Variants in MTOR observed in about 807,000 individuals in gnomAD.
The protein encoded by MTOR is serine/threonine-protein kinase mTOR.
A neutral mutation model predicts 319.8 loss-of-function variants in MTOR; 70 were observed. That is an observed-to-expected ratio of 0.22 (90% CI 0.18 to 0.27). MTOR has a LOEUF of 0.27. MTOR is among the 10% of genes least tolerant of loss of function. The pLI is 1.00. For missense variants in MTOR, 1,890 were observed against 3,274.4 expected (o/e 0.58, Z 10.32); for synonymous variants, 1,183 against 1,211.4 (o/e 0.98, Z 0.49).
Position 11,107,460 on chromosome 1 carries a change from G to GT in MTOR, c.*24dup. On this transcript the variant is annotated 3_prime_UTR_variant, in exon 58 of 58. Transcript: ENST00000361445. ...AAAGTACAAAAGCCTCAGAAAAAAC[G>GT]TGATGGGCACATCTGGGCCTCCAGT... 6.2e-7 allele frequency: 1 copy of GT among 1,608,202 alleles called. No individual in the cohort carries two copies. The highest frequency in any genetic ancestry group is 1.1e-5 in the South Asian group (1 of 89,486).
intron 49 of MTOR, among the ~76,000 whole-genome samples, chr1:11,120,545 T>C (rs1570924087): frequency 6.8e-6 from 1 of 147,324 alleles, no homozygotes; most frequent in Non-Finnish European, 1.5e-5. Flanking sequence ...AGAGATGGAG[T>C]CTCACTATGT....
At chr1:11,253,041 G>A (rs1300879577) in intron 6 of MTOR, among the ~76,000 whole-genome samples, 1 of 152,108 alleles carries the variant, frequency 6.6e-6, no homozygotes, top group Non-Finnish European at 1.5e-5. Flanking sequence ...CCTGCTCTTG[G>A]GAGACACAGA....
At chr1:11,124,381 C>A in intron 47 of MTOR, 117 bp downstream of exon 47, 2 of 1,352,930 alleles carry the variant, frequency 1.5e-6, no homozygotes, top group Admixed American at 2.3e-5. Context: ...AGTTACCATG[C>A]CTGGCTCCCT....
At position 11,212,222 on chromosome 1, in the gene MTOR, G is replaced by A; in HGVS notation, c.3561+90C>T. 6 of 1,430,380 alleles carry A rather than the reference G, an allele frequency of 4.2e-6. No homozygotes were observed. In the South Asian group the frequency reaches 8.2e-5, roughly 20 times the overall value. The allele number at this position is 1,430,380 out of a possible 1,614,324, so 88.6% of individuals were successfully genotyped here. On this transcript the variant is annotated intron_variant, in intron 23 of 57. Transcript: ENST00000361445. This position sits in a 1 kb window ranked among gnomAD's most constrained non-coding sequence, Gnocchi z 4.1. ...AATTCCACGTTCTCTGATGGTGGCTGGCATCAGACAAAGTCTGAGTGGCTC... is the reference window on the plus strand; with the variant it reads ...AATTCCACGTTCTCTGATGGTGGCTAGCATCAGACAAAGTCTGAGTGGCTC...
intron 19 of MTOR, among the ~76,000 whole-genome samples, chr1:11,217,674 G>A (rs2100811798): frequency 6.6e-6 from 1 of 150,856 alleles, no homozygotes; most frequent in South Asian, 2.1e-4. Context: ...CCCTCCCAAA[G>A]TGCTGCGATT....
Position 11,115,488 on chromosome 1 carries a change from G to A in MTOR, c.7017-20C>T. Reference sequence around the variant, plus strand: ...GGGTGTCTTTGAGAAACAGAAGACAGATCAGGGAGGGATCAACAGAGATAA... The same window carrying A: ...GGGTGTCTTTGAGAAACAGAAGACAAATCAGGGAGGGATCAACAGAGATAA... On this transcript the variant is annotated intron_variant, in intron 50 of 57. Transcript: ENST00000361445. The surrounding 1 kb of genome is among the most constrained non-coding windows in gnomAD (Gnocchi z 4.5). 6.2e-7 allele frequency: 1 copy of A among 1,607,046 alleles called. No homozygotes were observed. The highest frequency in any genetic ancestry group is 2.2e-5 in the East Asian group (1 of 44,844).
rs772176837 is a variant in MTOR at position 11,247,858 on chromosome 1, G to A, written c.1077C>T (p.Ser359=). Residue 359 remains serine, a synonymous_variant, in exon 7 of 58, where the codon AGC becomes AGT. Coordinates refer to ENST00000361445, the MANE Select transcript of MTOR (RefSeq NM_004958.4). ...PSPAKSTLVE[S]RCCRDLMEEK... is the part of the protein sequence containing the mutation. ...CCTCCATCAAGTCTCTGCAACACCG[G>A]CTCTCCACCAGGGTGGACTTAGCTG... is the stretch of plus-strand genomic sequence containing the variant. 8.7e-6 allele frequency: 14 copies of A among 1,613,870 alleles called. No individual in the cohort carries two copies. The highest frequency in any genetic ancestry group is 1.6e-4 in the Middle Eastern group (1 of 6,080).
rs1459130069 is a variant in MTOR, at chr1:11,107,119, G to A, written c.*366C>T. ...GAGTTTGCTGTACCCATGTTGAGAGGAGCAACTAGGTCATTCTTCCATCAG... is the reference window on the plus strand; with the variant it reads ...GAGTTTGCTGTACCCATGTTGAGAGAAGCAACTAGGTCATTCTTCCATCAG... On this transcript the variant is annotated 3_prime_UTR_variant, in exon 58 of 58. Transcript: ENST00000361445. 30 of 1,376,898 alleles carry A rather than the reference G, an allele frequency of 2.2e-5. No homozygotes were observed. The highest frequency in any genetic ancestry group is 1.9e-4 in the Middle Eastern group (1 of 5,228). 85.3% of individuals were successfully genotyped at this position (1,376,898 alleles called of 1,614,324 possible).
chr1:11,236,876 C>T (rs1252347451), intron 13 of MTOR, among the ~76,000 whole-genome samples: 1 of 152,128 alleles, frequency 6.6e-6, no homozygotes, highest in Non-Finnish European at 1.5e-5. Flanking sequence ...ATGGCAGGCA[C>T]TTCTAACGCA....
chr1:11,193,533 C>T (rs1321142481), intron 28 of MTOR: 17 of 1,527,094 alleles, frequency 1.1e-5, no homozygotes, highest in Non-Finnish European at 1.5e-5. Context: ...CTTGCTCCTG[C>T]CTTCTGCCCC....
At chr1:11,237,305 C>T (rs148298711) in intron 13 of MTOR, among the ~76,000 whole-genome samples, 25 of 152,240 alleles carry the variant, frequency 1.6e-4, no homozygotes, top group Admixed American at 2.0e-4. Flanking sequence ...AGCAATTCTA[C>T]CTTACGCTAC....
At chr1:11,196,368 TG>T (rs1010410555) in intron 28 of MTOR, among the ~76,000 whole-genome samples, 9 of 152,298 alleles carry the variant, frequency 5.9e-5, no homozygotes, top group Non-Finnish European at 8.8e-5. Context: ...ATATATTTAC[TG>T]ATATGTGAGC....
At position 11,193,515 on chromosome 1, in the gene MTOR, C is replaced by T. The variant is rs1436856876; in HGVS notation, c.4253+5743G>A. 2.1e-6 allele frequency: 3 copies of T among 1,459,468 alleles called. No individual in the cohort carries two copies. In the African/African-American group the frequency reaches 4.2e-5, roughly 21 times the overall value. 90.4% of individuals were successfully genotyped at this position (1,459,468 alleles called of 1,614,324 possible). On this transcript the variant is annotated intron_variant, in intron 28 of 57. Transcript: ENST00000361445. ...GCAGGGACAGGAACAGGTTGGGAAGCCTGCCCTCTTGCTCCTGCCTTCTGC... is the reference window on the plus strand; with the variant it reads ...GCAGGGACAGGAACAGGTTGGGAAGTCTGCCCTCTTGCTCCTGCCTTCTGC...
At chr1:11,149,990 A>C in intron 31 of MTOR, 136 bp downstream of exon 31, 3 of 593,482 alleles carry the variant, frequency 5.1e-6, no homozygotes, top group Non-Finnish European at 8.7e-6. Context: ...AAGGTGTAGA[A>C]GTAGGTGGAT....
At chr1:11,146,618 C>T in intron 32 of MTOR, 58 bp downstream of exon 32, 3 of 1,370,480 alleles carry the variant, frequency 2.2e-6, no homozygotes, top group Middle Eastern at 1.8e-4. Context: ...GCACCGTGGG[C>T]TTAGAAGCAC....
chr1:11,163,283 A>G (rs906743243), intron 29 of MTOR, among the ~76,000 whole-genome samples: 3 of 152,204 alleles, frequency 2.0e-5, no homozygotes, highest in Non-Finnish European at 4.4e-5. Flanking sequence ...CAGATTCATA[A>G]AGCAAGTCCT....
chr1:11,164,422 G>A (rs542224674), intron 29 of MTOR, among the ~76,000 whole-genome samples: 2 of 149,824 alleles, frequency 1.3e-5, no homozygotes, highest in Non-Finnish European at 3.0e-5. Flanking sequence ...TATCACCACC[G>A]ATCCCACAGA....
chr1:11,175,173 A>G (rs1221878656), intron 28 of MTOR, among the ~76,000 whole-genome samples: 1 of 152,240 alleles, frequency 6.6e-6, no homozygotes, highest in Non-Finnish European at 1.5e-5. Flanking sequence ...GCTATCATAC[A>G]GTTGTGAATC....
rs17235626 is a variant in MTOR at position 11,130,782 on chromosome 1, T to C, written c.5365-5A>G. The stretch of plus-strand genomic sequence containing the variant: ...CACTGCCCACGCATGCCAGGCCTGG[T>C]TGGGGAGAAAGGCAAGGACAGACAC... On this transcript the variant is annotated splice_region_variant and splice_polypyrimidine_tract_variant and intron_variant, in intron 38 of 57. Transcript: ENST00000361445. 76 of 1,560,148 alleles carry C rather than the reference T, an allele frequency of 4.9e-5. No individual in the cohort carries two copies. The highest frequency in any genetic ancestry group is 6.2e-5 in the Non-Finnish European group (71 of 1,151,488).
Sources: allele counts gnomAD v4.1 joint callset (sites outside exome capture counted in the v4.1 genomes callset), GRCh38; gene constraint gnomAD v4.1.1; non-coding constraint Gnocchi (gnomAD v3.1); transcripts MANE v1.5; gene names NCBI Gene and HGNC (gene_info 2026-07-23, HGNC 2026-07-21).